P4HA1: variants seen among roughly 807,000 people sequenced by gnomAD.
P4HA1 encodes prolyl 4-hydroxylase subunit alpha-1.
In P4HA1, 24 loss-of-function variants were observed where a neutral mutation model predicts 72.8. The ratio of observed to expected loss-of-function variants is 0.33; its 90% CI spans 0.24 to 0.46. The LOEUF is 0.46. P4HA1 is among the 20% of genes least tolerant of loss of function. The probability of loss-of-function intolerance (pLI) is 1.00; values close to 1 mark genes in which losing one functional copy is unlikely to be tolerated. For missense variants in P4HA1, 446 were observed against 640.6 expected (o/e 0.70, Z 3.28); for synonymous variants, 201 against 218.8 (o/e 0.92, Z 0.72).
At chr10:73,019,938 G>T (rs765882566) in intron 10 of P4HA1, among the ~76,000 whole-genome samples, 5 of 151,898 alleles carry the variant, frequency 3.3e-5, no homozygotes, top group Non-Finnish European at 7.4e-5. Flanking sequence ...TTGTATTACA[G>T]GAGTTCCAAA....
chr10:73,062,093 T>A (rs1333173472), intron 5 of P4HA1, among the ~76,000 whole-genome samples: 2 of 152,230 alleles, frequency 1.3e-5, no homozygotes, highest in African/African-American at 4.8e-5. Flanking sequence ...AATGACATGA[T>A]GTCTAGGATT....
chr10:73,055,944 G>A (rs1841137640), intron 5 of P4HA1, among the ~76,000 whole-genome samples: 2 of 152,180 alleles, frequency 1.3e-5, no homozygotes, highest in African/African-American at 4.8e-5. Context: ...AATGGAATCT[G>A]TTCCATACAC....
chr10:73,076,903 T>C (rs1253020339), intron 1 of P4HA1, among the ~76,000 whole-genome samples: 1 of 152,160 alleles, frequency 6.6e-6, no homozygotes, highest in Non-Finnish European at 1.5e-5. Context: ...CTCCCCGTTC[T>C]ACAAGAGCTA....
Position 73,028,601 on chromosome 10 carries a change from T to A in P4HA1, c.1248+1670A>T, listed in dbSNP as rs188345173. ...CATGTGCCACCACGCCCAGCTAATT[T>A]TTTTGTATTTTTTAGTAGAGACGGG... On this transcript the variant is annotated intron_variant, in intron 10 of 14. Transcript: ENST00000394890. Among the ~76,000 whole-genome samples the A allele has an allele frequency of 4.4e-4, 67 of 152,118 alleles. 1 individual carries two copies. Among genetic ancestry groups the A allele is most frequent in the African/African-American group, 1.5e-3 (63 of 41,534 alleles).
intron 9 of P4HA1, among the ~76,000 whole-genome samples, chr10:73,042,331 A>C (rs1192627894): frequency 1.3e-5 from 2 of 152,202 alleles, no homozygotes; most frequent in Non-Finnish European, 2.9e-5. Flanking sequence ...GGAAATGCTG[A>C]ATCAACACAT....
In P4HA1 at chr10:73,072,052, A is replaced by C. The variant is rs1841576291; in HGVS notation, c.302T>G (p.Leu101Arg). Reference sequence around the variant, plus strand: ...ACCATCTGACATATCCTTAAGGACCAGATTCTCCAACTCACTCCACTCAGT... The same window carrying C: ...ACCATCTGACATATCCTTAAGGACCCGATTCTCCAACTCACTCCACTCAGT... Reference protein sequence around the residue: ...LNTEWSELENLVLKDMSDGFI... With the variant: ...LNTEWSELENRVLKDMSDGFI... Residue 101 changes from leucine to arginine, a missense_variant, in exon 4 of 15, where the codon CTG (leucine) becomes CGG (arginine). Physicochemically the swap from Leu to Arg is moderately radical, Grantham distance 102 (BLOSUM62 -2). Coordinates refer to ENST00000394890, the MANE Select transcript of P4HA1 (RefSeq NM_001017962.3). 1 of 1,612,500 alleles carries C rather than the reference A, an allele frequency of 6.2e-7. No homozygotes were observed. The highest frequency in any genetic ancestry group is 8.5e-7 in the Non-Finnish European group (1 of 1,178,934).
At chr10:73,081,878 T>C (rs1841833156) in intron 1 of P4HA1, among the ~76,000 whole-genome samples, 1 of 152,100 alleles carries the variant, frequency 6.6e-6, no homozygotes, top group Non-Finnish European at 1.5e-5. Context: ...ACTATGGGCG[T>C]GGTAGCGTGT....
intron 1 of P4HA1, among the ~76,000 whole-genome samples, chr10:73,093,887 TATATATATATATATATATATACACAC>T (rs1564641008): frequency 1.4e-5 from 1 of 72,500 alleles, no homozygotes; most frequent in Non-Finnish European, 2.5e-5. Context: ...TATATATATA[TATATATATATATATATATATACACAC>T]ACACACACAC....
intron 7 of P4HA1, among the ~76,000 whole-genome samples, chr10:73,048,057 A>C (rs1033228907): frequency 6.6e-6 from 1 of 152,146 alleles, no homozygotes; most frequent in African/African-American, 2.4e-5. Flanking sequence ...GTCTCAAAAA[A>C]ACAAAACAAA....
At chr10:73,070,797 A>G (rs1408324233) in intron 4 of P4HA1, among the ~76,000 whole-genome samples, 1 of 152,204 alleles carries the variant, frequency 6.6e-6, no homozygotes, top group Non-Finnish European at 1.5e-5. Flanking sequence ...TAGAATGACT[A>G]CTACAGATTA....
intron 10 of P4HA1, among the ~76,000 whole-genome samples, chr10:73,026,850 CTCA>C (rs1266751476): frequency 2.0e-5 from 3 of 152,220 alleles, no homozygotes; most frequent in African/African-American, 4.8e-5. Flanking sequence ...TGAAAAAATG[CTCA>C]TCATCACTGG....
rs201843565 is a variant in P4HA1 at position 73,051,072 on chromosome 10, C to T, written c.881G>A (p.Arg294His). 2 of 1,613,738 alleles carry T rather than the reference C, an allele frequency of 1.2e-6. No individual in the cohort carries two copies. Among genetic ancestry groups the T allele is most frequent in the Non-Finnish European group, 1.7e-6 (2 of 1,179,768 alleles). Residue 294 changes from arginine to histidine, a missense_variant, in exon 7 of 15, where the codon CGT becomes CAT. Arg to His is a conservative substitution (Grantham distance 29). Transcript: ENST00000394890. ...CTTTACCATTTTGATACCCTCCCCA[C>T]GGCACAGCATTTCGTACTTCTGTCT... ...PERQKYEMLCRGEGIKMTPRR... is the reference protein window; with the variant it reads ...PERQKYEMLCHGEGIKMTPRR...
At chr10:73,036,301 G>GT (rs1840575090) in intron 9 of P4HA1, among the ~76,000 whole-genome samples, 1 of 151,452 alleles carries the variant, frequency 6.6e-6, no homozygotes, top group African/African-American at 2.4e-5. Flanking sequence ...TTGTAGTTCT[G>GT]TTGTAGTCAC....
intron 1 of P4HA1, among the ~76,000 whole-genome samples, chr10:73,080,067 A>C (rs1841788253): frequency 6.6e-6 from 1 of 152,204 alleles, no homozygotes; most frequent in Non-Finnish European, 1.5e-5. Flanking sequence ...ACAGAGACAA[A>C]CAGTTTCAAC....
intron 9 of P4HA1, 29 bp from the exon 10 acceptor site, chr10:73,030,399 T>C: frequency 8.2e-7 from 1 of 1,223,338 alleles, no homozygotes; most frequent in South Asian, 1.5e-5. Context: ...TTAGTTTTAT[T>C]GATAATGTTT....
intron 1 of P4HA1, among the ~76,000 whole-genome samples, chr10:73,088,403 T>C (rs960511752): frequency 2.0e-5 from 3 of 152,142 alleles, no homozygotes; most frequent in Admixed American, 6.5e-5. Context: ...AATACCACAC[T>C]TGGGGACCAG....
At chr10:73,059,992 A>G (rs1304706817) in intron 5 of P4HA1, among the ~76,000 whole-genome samples, 2 of 152,118 alleles carry the variant, frequency 1.3e-5, no homozygotes, top group African/African-American at 4.8e-5. Context: ...AACGAGGACA[A>G]TCCCTAAAAA....
chr10:73,047,549 CAAA>C (rs1167975608), intron 7 of P4HA1, among the ~76,000 whole-genome samples: 15 of 59,088 alleles, frequency 2.5e-4, no homozygotes, highest in Non-Finnish European at 5.4e-4. Context: ...ATGCTTGTGG[CAAA>C]AAAAAAAAAA....
chr10:73,058,545 G>A (rs937302045), intron 5 of P4HA1, among the ~76,000 whole-genome samples: 15 of 152,032 alleles, frequency 9.9e-5, no homozygotes, highest in Admixed American at 8.5e-4. Context: ...GGGGACTAAC[G>A]GTGCAGAGAT....
Sources: gnomAD v4.1 joint callset for allele counts (sites outside exome capture counted in the v4.1 genomes callset) on GRCh38, gnomAD v4.1.1 for gene constraint, MANE v1.5 for transcripts, NCBI Gene and HGNC (gene_info 2026-07-23, HGNC 2026-07-21) for gene names.